Variants in ZBTB7C observed in about 807,000 individuals in gnomAD.
ZBTB7C encodes zinc finger and BTB domain containing 7C.
Under a neutral mutation model 25.7 loss-of-function variants are expected in ZBTB7C, and 8 were observed. That is an observed-to-expected ratio of 0.31 (90% confidence interval 0.18 to 0.56). The LOEUF is 0.56. Ranked by LOEUF, ZBTB7C falls within the 20% of genes least tolerant of loss-of-function variation. The probability of loss-of-function intolerance (pLI) is 0.91; values close to 1 mark genes in which losing one functional copy is unlikely to be tolerated. For missense variants in ZBTB7C, 824 were observed against 855.2 expected (o/e 0.96, Z 0.46); for synonymous variants, 394 against 369.0 (o/e 1.07, Z -0.78).
intron 1 of ZBTB7C, among the ~76,000 whole-genome samples, chr18:48,377,870 A>C (rs1169598683): frequency 6.6e-6 from 1 of 152,144 alleles, no homozygotes. Flanking sequence ...AAAAGGAGAG[A>C]GGTAAAATAA....
chr18:48,286,007 C>G (rs2045038323), intron 2 of ZBTB7C, among the ~76,000 whole-genome samples: 1 of 152,164 alleles, frequency 6.6e-6, no homozygotes, highest in South Asian at 2.1e-4. Flanking sequence ...CACATGAGCT[C>G]CCTTCCCCTT....
chr18:48,326,021 G>A (rs1426858847), intron 2 of ZBTB7C, among the ~76,000 whole-genome samples: 1 of 151,952 alleles, frequency 6.6e-6, no homozygotes, highest in Admixed American at 6.5e-5. Flanking sequence ...AGTGCTGGGG[G>A]ACAGAGCATA....
At chr18:48,142,351 C>T (rs954080954) in intron 3 of ZBTB7C, among the ~76,000 whole-genome samples, 2 of 152,200 alleles carry the variant, frequency 1.3e-5, no homozygotes, top group African/African-American at 4.8e-5. Context: ...ACTGGGAGAC[C>T]AGCCGGTGCT....
In ZBTB7C at chr18:48,164,864, G is replaced by A. The variant is rs1019567247; in HGVS notation, c.-17+21070C>T. Among the ~76,000 whole-genome samples the A allele has an allele frequency of 2.6e-5, 4 of 152,020 alleles. No homozygotes were observed. The South Asian group carries it at 6.2e-4, about 24-fold the overall frequency. On this transcript the variant is annotated intron_variant, in intron 3 of 4. Coordinates refer to ENST00000590800, the MANE Select transcript of ZBTB7C (RefSeq NM_001318841.2). Reference sequence around the variant, plus strand: ...TATTAACTCATTTAGTCCTCACCACGAGCCCCCACCCCCTACATCCCACCA... The same window carrying A: ...TATTAACTCATTTAGTCCTCACCACAAGCCCCCACCCCCTACATCCCACCA...
intron 2 of ZBTB7C, among the ~76,000 whole-genome samples, chr18:48,284,366 G>A (rs1209544703): frequency 6.6e-6 from 1 of 151,808 alleles, no homozygotes; most frequent in African/African-American, 2.4e-5. Flanking sequence ...TTGAGCCCAG[G>A]AGGTCAAGGC....
intron 3 of ZBTB7C, among the ~76,000 whole-genome samples, chr18:48,094,132 A>G (rs1253246428): frequency 6.6e-6 from 1 of 152,238 alleles, no homozygotes; most frequent in Non-Finnish European, 1.5e-5. Flanking sequence ...TTAAATGGCC[A>G]TTGCACTTTA....
At chr18:48,288,544 T>G (rs1242895236) in intron 2 of ZBTB7C, among the ~76,000 whole-genome samples, 1 of 150,718 alleles carries the variant, frequency 6.6e-6, no homozygotes, top group Admixed American at 6.6e-5. Context: ...TAATCCCAGC[T>G]ACTTGGGAGG....
chr18:48,203,462 G>C (rs982246748), intron 2 of ZBTB7C: 1 of 152,224 alleles, frequency 6.6e-6, no homozygotes, highest in African/African-American at 2.4e-5. Flanking sequence ...AAACAGCTTG[G>C]GTCCACTGTA....
intron 3 of ZBTB7C, among the ~76,000 whole-genome samples, chr18:48,089,083 A>C (rs2038306922): frequency 6.6e-6 from 1 of 152,190 alleles, no homozygotes; most frequent in Non-Finnish European, 1.5e-5. Context: ...TATTTTGAAA[A>C]GACAAAGCCC....
At chr18:48,198,899 T>G (rs184991258) in intron 2 of ZBTB7C, among the ~76,000 whole-genome samples, 2 of 152,358 alleles carry the variant, frequency 1.3e-5, no homozygotes, top group East Asian at 3.9e-4. Context: ...GTGGCATGAA[T>G]GCTCCTCTGG....
At chr18:48,309,928 G>A (rs890076173) in intron 2 of ZBTB7C, among the ~76,000 whole-genome samples, 1 of 152,114 alleles carries the variant, frequency 6.6e-6, no homozygotes, top group African/African-American at 2.4e-5. Context: ...CACATAGTGA[G>A]CCCTCAAAAA....
chr18:48,310,798 C>T (rs1420129408), intron 2 of ZBTB7C, among the ~76,000 whole-genome samples: 2 of 152,222 alleles, frequency 1.3e-5, no homozygotes, highest in Non-Finnish European at 2.9e-5. Flanking sequence ...CTTGGCAACT[C>T]AGGCTGGCAG....
intron 3 of ZBTB7C, among the ~76,000 whole-genome samples, chr18:48,114,321 GC>G (rs1389936556): frequency 1.3e-5 from 2 of 152,212 alleles, no homozygotes; most frequent in African/African-American, 4.8e-5. Context: ...AATGTTCTCA[GC>G]CAGGCACAGT....
At position 48,027,725 on chromosome 18, in the gene ZBTB7C, C is replaced by G. The variant is rs547364975; in HGVS notation, c.*1535G>C. 6.6e-6 allele frequency: 1 copy of G among 152,362 alleles called. No individual in the cohort carries two copies. The highest frequency in any genetic ancestry group is 1.9e-4 in the East Asian group (1 of 5,178). The allele number at this position is 152,362 out of a possible 1,614,324, so 9.4% of individuals were successfully genotyped here. On this transcript the variant is annotated 3_prime_UTR_variant, in exon 5 of 5. Coordinates refer to ENST00000590800, the MANE Select transcript of ZBTB7C (RefSeq NM_001318841.2). ...CTGAAGTCTCTTTGTGCCCATAGCA[C>G]AGGGATTGGGGACTCCAGCCCTGGG...
At chr18:48,031,725 TG>T (rs1298162846) in intron 4 of ZBTB7C, among the ~76,000 whole-genome samples, 2 of 152,244 alleles carry the variant, frequency 1.3e-5, no homozygotes, top group African/African-American at 4.8e-5. Context: ...TGGTGGTCCG[TG>T]GACCCCACAC....
At chr18:48,119,322 G>A (rs866204595) in intron 3 of ZBTB7C, among the ~76,000 whole-genome samples, 7 of 152,198 alleles carry the variant, frequency 4.6e-5, no homozygotes, top group Non-Finnish European at 7.3e-5. Flanking sequence ...TTTCCACCAG[G>A]TGAGAAGGAG....
chr18:48,077,500 C>G (rs1249041759), intron 3 of ZBTB7C, among the ~76,000 whole-genome samples: 2 of 152,240 alleles, frequency 1.3e-5, no homozygotes, highest in African/African-American at 2.4e-5. Context: ...CCCTATCCAA[C>G]TTGGCGAGTC....
rs564139548 is a variant in ZBTB7C, at chr18:48,179,846, C to CTCCT, written c.-17+6084_-17+6087dup. 1.1e-4 allele frequency among the ~76,000 whole-genome samples: 16 copies of CTCCT among 139,618 alleles called. 1 individual carries two copies. Among genetic ancestry groups the CTCCT allele is most frequent in the African/African-American group, 4.2e-4 (15 of 35,356 alleles). 91.6% of individuals were successfully genotyped at this position (139,618 alleles called of 152,430 possible). A position where few individuals can be genotyped will look rare whatever the true frequency, so the allele number is the denominator to read the frequency against. On this transcript the variant is annotated intron_variant, in intron 3 of 4. Coordinates refer to ENST00000590800, the MANE Select transcript of ZBTB7C (RefSeq NM_001318841.2). ...TCCCTTCCCTTCAAGGAAGATATTT[C>CTCCT]TCCTTCCTTCCTTCCTTCCCTCCCT...
intron 2 of ZBTB7C, among the ~76,000 whole-genome samples, chr18:48,288,593 T>A (rs764811047): frequency 1.6e-4 from 23 of 148,260 alleles, no homozygotes; most frequent in Non-Finnish European, 3.0e-4. Context: ...GAGGTGGAGG[T>A]TGCAGTGAGC....
Sources: gnomAD v4.1 joint callset for allele counts (sites outside exome capture counted in the v4.1 genomes callset) on GRCh38, gnomAD v4.1.1 for gene constraint, MANE v1.5 for transcripts, NCBI Gene and HGNC (gene_info 2026-07-23, HGNC 2026-07-21) for gene names.